SPOCK3: variants seen among roughly 807,000 people sequenced by gnomAD.
SPOCK3 encodes SPARC (osteonectin), cwcv and kazal like domains proteoglycan 3.
SPOCK3 carries 30 observed loss-of-function variants against 56.6 expected under a neutral mutation model. The ratio of observed to expected loss-of-function variants is 0.53; its 90% CI spans 0.40 to 0.72. The LOEUF (loss-of-function observed/expected upper bound fraction) is 0.72, where lower values mean the gene tolerates loss of function less well. Ranked by LOEUF, SPOCK3 falls within the 30% of genes least tolerant of loss-of-function variation. The pLI is 0.00. For synonymous variants in SPOCK3, 196 were observed against 183.3 expected, an observed-to-expected ratio of 1.07 and a Z score of -0.56; for missense variants, 527 against 530.0, an observed-to-expected ratio of 0.99 and a Z score of 0.06.
chr4:167,191,077 C>A (rs562358177), intron 2 of SPOCK3, among the ~76,000 whole-genome samples: 2 of 145,590 alleles, frequency 1.4e-5, no homozygotes, highest in East Asian at 4.1e-4. Context: ...CAGCTTTGTT[C>A]TTCTTTCTAA....
intron 2 of SPOCK3, among the ~76,000 whole-genome samples, chr4:167,144,454 A>G (rs549783384): frequency 6.6e-6 from 1 of 152,082 alleles, no homozygotes; most frequent in Admixed American, 6.6e-5. Context: ...CATTTCATAC[A>G]TTTATTTGCT....
intron 3 of SPOCK3, among the ~76,000 whole-genome samples, chr4:167,029,126 A>G (rs1263343871): frequency 6.6e-6 from 1 of 151,916 alleles, no homozygotes; most frequent in Non-Finnish European, 1.5e-5. Flanking sequence ...GAGTCCATGT[A>G]TTCTCATCAT....
chr4:167,006,782 TC>T (rs1749512707), intron 3 of SPOCK3, among the ~76,000 whole-genome samples: 1 of 152,190 alleles, frequency 6.6e-6, no homozygotes, highest in African/African-American at 2.4e-5. Context: ...TAATTCCGCC[TC>T]TTTTCCCAGG....
In SPOCK3 at chr4:167,223,753, C is replaced by A. The variant is rs537010409; in HGVS notation, c.189+10232G>T. On this transcript the variant is annotated intron_variant, in intron 2 of 10. Transcript: ENST00000357545. ...TCACTTGAGCCTAGGAGTTCGAGAC[C>A]AGCTTGGGCAATATAGCCAGTCCTT... Among the ~76,000 whole-genome samples the A allele has an allele frequency of 8.4e-4, 128 of 152,128 alleles. 1 individual carries two copies. Among genetic ancestry groups the A allele is most frequent in the African/African-American group, 2.7e-3 (112 of 41,526 alleles).
At chr4:166,936,374 TC>T (rs1740408134) in intron 4 of SPOCK3, among the ~76,000 whole-genome samples, 1 of 152,148 alleles carries the variant, frequency 6.6e-6, no homozygotes, top group African/African-American at 2.4e-5. Flanking sequence ...TATTTGTTTT[TC>T]ATCATTAAAT....
At chr4:167,006,735 T>C (rs534454466) in intron 3 of SPOCK3, among the ~76,000 whole-genome samples, 1 of 152,208 alleles carries the variant, frequency 6.6e-6, no homozygotes, top group South Asian at 2.1e-4. Context: ...TCATTAATTT[T>C]TCACTATTTT....
chr4:167,034,852 T>C (rs1180328525), intron 3 of SPOCK3, among the ~76,000 whole-genome samples: 1 of 152,150 alleles, frequency 6.6e-6, no homozygotes, highest in African/African-American at 2.4e-5. Flanking sequence ...AGTACATAAA[T>C]ATAAAAGTAA....
rs182564807 is a variant in SPOCK3, at chr4:166,942,887, G to A, written c.351-30144C>T. On this transcript the variant is annotated intron_variant, in intron 4 of 10. Coordinates refer to ENST00000357545, the MANE Select transcript of SPOCK3 (RefSeq NM_001040159.2). ...TGAAAGTGACTTGTTGCAATTTTAA[G>A]TCATTTTAGAATCATCATTATGTAA... Among the ~76,000 whole-genome samples, 102 of 152,274 alleles carry A rather than the reference G, an allele frequency of 6.7e-4. 1 individual carries two copies. The highest frequency in any genetic ancestry group is 5.6e-3 in the East Asian group (29 of 5,178).
chr4:166,901,986 C>A (rs780607208), intron 5 of SPOCK3, among the ~76,000 whole-genome samples: 3 of 152,112 alleles, frequency 2.0e-5, no homozygotes, highest in African/African-American at 7.2e-5. Flanking sequence ...AAACAAAGGG[C>A]AGATACTGTT....
At chr4:167,169,099 C>A (rs557346241) in intron 2 of SPOCK3, among the ~76,000 whole-genome samples, 1 of 152,170 alleles carries the variant, frequency 6.6e-6, no homozygotes, top group Non-Finnish European at 1.5e-5. Context: ...TGGATGCCCA[C>A]GAAGAAGTTT....
rs1484873326 is a variant in SPOCK3, at chr4:166,733,961, T to A, written c.*960A>T. On this transcript the variant is annotated 3_prime_UTR_variant, in exon 11 of 11. Transcript: ENST00000357545. The stretch of plus-strand genomic sequence containing the variant: ...TTTTGCAAGGCACCATACAATAAGT[T>A]CTCTAAGTTTCCACACTACTAACAA... 1 of 152,244 alleles carries A rather than the reference T, an allele frequency of 6.6e-6. No individual in the cohort carries two copies. The highest frequency in any genetic ancestry group is 1.5e-5 in the Non-Finnish European group (1 of 67,776). The allele number at this position is 152,244 out of a possible 1,614,324, so 9.4% of individuals were successfully genotyped here.
At chr4:166,840,717 C>A (rs184330410) in intron 6 of SPOCK3, among the ~76,000 whole-genome samples, 136 of 146,738 alleles carry the variant, frequency 9.3e-4, no homozygotes, top group African/African-American at 2.8e-3. Flanking sequence ...TCTAGTTGCA[C>A]TTAAGAGAAG....
chr4:167,211,989 TACTG>T (rs1383561400), intron 2 of SPOCK3, among the ~76,000 whole-genome samples: 1 of 152,196 alleles, frequency 6.6e-6, no homozygotes, highest in African/African-American at 2.4e-5. Context: ...AGTGTAAACA[TACTG>T]ACTCCAGCAT....
chr4:167,072,079 C>T (rs1185032191), intron 2 of SPOCK3, among the ~76,000 whole-genome samples: 2 of 152,014 alleles, frequency 1.3e-5, no homozygotes, highest in Non-Finnish European at 2.9e-5. Flanking sequence ...GAACACTTTA[C>T]TCTCAATATC....
At chr4:166,806,949 ACAACAATAAC>A (rs1743223663) in intron 6 of SPOCK3, among the ~76,000 whole-genome samples, 1 of 151,952 alleles carries the variant, frequency 6.6e-6, no homozygotes, top group African/African-American at 2.4e-5. Context: ...TAAGAGATTA[ACAACAATAAC>A]TAATATAAAA....
chr4:166,879,402 G>A (rs760155013), intron 6 of SPOCK3, among the ~76,000 whole-genome samples: 6 of 152,078 alleles, frequency 3.9e-5, no homozygotes, highest in Non-Finnish European at 8.8e-5. Context: ...CAGGCATGGT[G>A]GCGTGCACTT....
chr4:166,868,444 C>A (rs1220612104), intron 6 of SPOCK3, among the ~76,000 whole-genome samples: 1 of 151,956 alleles, frequency 6.6e-6, no homozygotes, highest in African/African-American at 2.4e-5. Context: ...CCACCCTGGG[C>A]AACACAGTAT....
intron 6 of SPOCK3, among the ~76,000 whole-genome samples, chr4:166,830,502 T>C (rs1745920827): frequency 6.6e-6 from 1 of 152,090 alleles, no homozygotes; most frequent in African/African-American, 2.4e-5. Context: ...CCTAGCACTT[T>C]GGGAGGCTGA....
intron 4 of SPOCK3, among the ~76,000 whole-genome samples, chr4:166,971,931 A>C (rs1579851631): frequency 6.6e-6 from 1 of 152,290 alleles, no homozygotes; most frequent in East Asian, 1.9e-4. Flanking sequence ...GGCACAAGGT[A>C]CAGTGTACTT....
Sources: allele counts gnomAD v4.1 joint callset (sites outside exome capture counted in the v4.1 genomes callset), GRCh38; gene constraint gnomAD v4.1.1; transcripts MANE v1.5; gene names NCBI Gene and HGNC (gene_info 2026-07-23, HGNC 2026-07-21).